The following GCLC variants were observed in gnomAD, a reference collection of about 807,000 sequenced individuals.
The protein encoded by GCLC is glutamate-cysteine ligase catalytic subunit, also known as glutamate--cysteine ligase catalytic subunit.
GCLC carries 30 observed loss-of-function variants against 81.5 expected under a neutral mutation model. The ratio of observed to expected loss-of-function variants is 0.37; its 90% CI spans 0.28 to 0.50. The LOEUF is 0.50. GCLC is among the 20% of genes least tolerant of loss of function. The probability of loss-of-function intolerance (pLI) is 0.96; values close to 1 mark genes in which losing one functional copy is unlikely to be tolerated. For synonymous variants in GCLC, 262 were observed against 273.3 expected (o/e 0.96, Z 0.41); for missense variants, 556 against 777.4 (o/e 0.72, Z 3.39).
In GCLC at chr6:53,507,044, T is replaced by A. The variant is rs1193796229; in HGVS notation, c.1085-19A>T. The A allele has an allele frequency of 7.4e-7, 1 of 1,346,246 alleles. No homozygotes were observed. Among genetic ancestry groups the A allele is most frequent in the Non-Finnish European group, 1.1e-6 (1 of 935,846 alleles). The allele number at this position is 1,346,246 out of a possible 1,614,324, so 83.4% of individuals were successfully genotyped here. A position where few individuals can be genotyped will look rare whatever the true frequency, so the allele number is the denominator to read the frequency against. On this transcript the variant is annotated intron_variant, in intron 9 of 15. Coordinates refer to ENST00000650454, the MANE Select transcript of GCLC (RefSeq NM_001498.4). The stretch of plus-strand genomic sequence containing the variant: ...TCAATGCCTGCAAAAAGAGATCACA[T>A]GGGAACTCACTGCAAAGCGAGAGAT...
chr6:53,532,665 G>A (rs1413712894), intron 1 of GCLC, among the ~76,000 whole-genome samples: 1 of 152,064 alleles, frequency 6.6e-6, no homozygotes, highest in Admixed American at 6.6e-5. Flanking sequence ...CTAGTTTCCT[G>A]GAAAAGCGTC....
intron 3 of GCLC, among the ~76,000 whole-genome samples, chr6:53,519,405 T>C (rs1348783038): frequency 2.0e-5 from 3 of 151,806 alleles, no homozygotes; most frequent in Admixed American, 6.6e-5. Context: ...TCCTGGAACC[T>C]TGGACATCCC....
intron 12 of GCLC, 170 bp downstream of exon 12, chr6:53,505,222 A>C (rs1764590368): frequency 1.7e-6 from 1 of 601,680 alleles, no homozygotes; most frequent in African/African-American, 1.9e-5. Context: ...AAGCGTCTAG[A>C]AATTAAGCTT....
chr6:53,505,770 T>C (rs779462125), intron 11 of GCLC, 33 bp downstream of exon 11: 2 of 1,228,954 alleles, frequency 1.6e-6, no homozygotes, highest in South Asian at 2.4e-5. Flanking sequence ...AAGAGTACTT[T>C]TGAGTCAGTT....
chr6:53,519,798 T>C (rs779409844), intron 3 of GCLC, among the ~76,000 whole-genome samples: 5 of 152,030 alleles, frequency 3.3e-5, no homozygotes, highest in Non-Finnish European at 7.4e-5. Context: ...ATCACAGAAA[T>C]AGAGATGCTT....
Position 53,505,784 on chromosome 6 carries a change from G to A in GCLC, c.1290+19C>T. On this transcript the variant is annotated intron_variant, in intron 11 of 15. Coordinates refer to ENST00000650454, the MANE Select transcript of GCLC (RefSeq NM_001498.4). ...AAAGAGTACTTTTGAGTCAGTTCTT[G>A]CTGATGCATGTGTCTTACCTCCATG... 1 of 1,400,380 alleles carries A rather than the reference G, an allele frequency of 7.1e-7. No homozygotes were observed. The highest frequency in any genetic ancestry group is 1.0e-6 in the Non-Finnish European group (1 of 984,670). The allele number at this position is 1,400,380 out of a possible 1,614,324, so 86.7% of individuals were successfully genotyped here. A position where few individuals can be genotyped will look rare whatever the true frequency, so the allele number is the denominator to read the frequency against.
At chr6:53,505,526 G>A (rs1164996039) in intron 11 of GCLC, 30 bp from the exon 12 acceptor site, 2 of 1,136,508 alleles carry the variant, frequency 1.8e-6, no homozygotes, top group Non-Finnish European at 2.7e-6. Context: ...GAGAAGTTAT[G>A]AACCAACTAC....
At chr6:53,534,682 G>T (rs772352546) in intron 1 of GCLC, among the ~76,000 whole-genome samples, 1 of 152,132 alleles carries the variant, frequency 6.6e-6, no homozygotes. Context: ...CTGGGTGGAA[G>T]AGATGGAGCT....
intron 9 of GCLC, 129 bp downstream of exon 9, chr6:53,507,351 C>T (rs1005732955): frequency 2.5e-5 from 22 of 881,668 alleles, no homozygotes; most frequent in Non-Finnish European, 3.3e-5. Context: ...AACAAGTAGC[C>T]TCATGAGAGA....
chr6:53,514,134 G>T, intron 6 of GCLC, 70 bp downstream of exon 6: 1 of 1,397,340 alleles, frequency 7.2e-7, no homozygotes, highest in Non-Finnish European at 1.0e-6. Flanking sequence ...CAGGAAACAT[G>T]CATATATAAA....
At chr6:53,536,426 T>G (rs1231783245) in intron 1 of GCLC, among the ~76,000 whole-genome samples, 1 of 152,210 alleles carries the variant, frequency 6.6e-6, no homozygotes, top group African/African-American at 2.4e-5. Context: ...ACATTTTAAA[T>G]ATGTGCAGTT....
intron 1 of GCLC, among the ~76,000 whole-genome samples, chr6:53,536,221 A>T (rs182996019): frequency 6.2e-4 from 94 of 152,378 alleles, no homozygotes; most frequent in African/African-American, 1.1e-3. Flanking sequence ...ATGAAACTAG[A>T]TATCAAATGC....
chr6:53,530,949 G>A (rs952659738), intron 1 of GCLC, among the ~76,000 whole-genome samples: 19 of 152,096 alleles, frequency 1.2e-4, no homozygotes, highest in African/African-American at 4.6e-4. Flanking sequence ...CTGCCTATTT[G>A]GGCGGTAATA....
At chr6:53,543,382 C>T (rs1763391955) in intron 1 of GCLC, among the ~76,000 whole-genome samples, 1 of 151,742 alleles carries the variant, frequency 6.6e-6, no homozygotes, top group African/African-American at 2.4e-5. Context: ...TACTAGTCAT[C>T]ATACTTTCCT....
chr6:53,508,048 C>T (rs906152925), intron 8 of GCLC, among the ~76,000 whole-genome samples: 1 of 152,110 alleles, frequency 6.6e-6, no homozygotes, highest in Non-Finnish European at 1.5e-5. Context: ...ATATCAAAAC[C>T]ACTTATGAGG....
chr6:53,511,048 G>A (rs1764729271), intron 6 of GCLC, among the ~76,000 whole-genome samples: 1 of 152,166 alleles, frequency 6.6e-6, no homozygotes, highest in Admixed American at 6.5e-5. Context: ...GAGGAAATGG[G>A]AGCTGGTACC....
chr6:53,513,642 A>T (rs1312820678), intron 6 of GCLC: 1 of 156,814 alleles, frequency 6.4e-6, no homozygotes, highest in African/African-American at 2.4e-5. Flanking sequence ...ACTCACTGCC[A>T]GGGGCACCAT....
intron 1 of GCLC, among the ~76,000 whole-genome samples, chr6:53,533,372 C>T (rs1581747515): frequency 6.6e-6 from 1 of 152,286 alleles, no homozygotes; most frequent in South Asian, 2.1e-4. Context: ...TTGCCAGACG[C>T]CCCCAGTACC....
intron 1 of GCLC, 198 bp from the exon 2 acceptor site, chr6:53,522,725 G>C: frequency 1.9e-6 from 1 of 513,490 alleles, no homozygotes; most frequent in Non-Finnish European, 3.5e-6. Context: ...AGTCAGTAGT[G>C]CCACTTCCAT....
Sources: gnomAD v4.1 joint callset for allele counts (sites outside exome capture counted in the v4.1 genomes callset) on GRCh38, gnomAD v4.1.1 for gene constraint, MANE v1.5 for transcripts, NCBI Gene and HGNC (gene_info 2026-07-23, HGNC 2026-07-21) for gene names.